ASF1A: variants seen among roughly 807,000 people sequenced by gnomAD.
ASF1A encodes the protein anti-silencing function 1A histone chaperone, also known as histone chaperone ASF1A.
ASF1A carries 5 observed loss-of-function variants against 22.0 expected under a neutral mutation model. That is an observed-to-expected ratio of 0.23 (90% confidence interval 0.12 to 0.48). ASF1A has a LOEUF of 0.48. Ranked by LOEUF, ASF1A falls within the 20% of genes least tolerant of loss-of-function variation. ASF1A has a pLI of 0.99. For synonymous variants in ASF1A, 97 were observed against 86.7 expected (o/e 1.12, Z -0.66); for missense variants, 137 against 240.6 (o/e 0.57, Z 2.85).
In ASF1A at chr6:118,907,676, AATTCCG is replaced by A. The variant is rs1780269985; in HGVS notation, c.*63_*68del. 7.5e-7 allele frequency: 1 copy of A among 1,338,792 alleles called. No individual in the cohort carries two copies. Among genetic ancestry groups the A allele is most frequent in the Non-Finnish European group, 1.1e-6 (1 of 943,370 alleles). The allele number at this position is 1,338,792 out of a possible 1,614,324, so 82.9% of individuals were successfully genotyped here. A position where few individuals can be genotyped will look rare whatever the true frequency, so the allele number is the denominator to read the frequency against. On this transcript the variant is annotated 3_prime_UTR_variant, in exon 4 of 4. Transcript: ENST00000229595. ...AAAATACACAGAACTATTTCCCTGA[AATTCCG>A]TAAGTACATAGTCAAAACACAATGT...
intron 1 of ASF1A, among the ~76,000 whole-genome samples, chr6:118,894,806 C>T (rs985587107): frequency 6.6e-6 from 1 of 152,200 alleles, no homozygotes; most frequent in Non-Finnish European, 1.5e-5. Flanking sequence ...GCTCGGAGAC[C>T]CGCACTCGCT....
intron 1 of ASF1A, among the ~76,000 whole-genome samples, chr6:118,899,939 A>G (rs1779689788): frequency 6.6e-6 from 1 of 152,232 alleles, no homozygotes; most frequent in African/African-American, 2.4e-5. Context: ...CTTCTTCCTC[A>G]GCTAAACAGG....
intron 2 of ASF1A, 76 bp from the exon 3 acceptor site, chr6:118,905,576 A>G: frequency 8.3e-7 from 1 of 1,204,906 alleles, no homozygotes; most frequent in Non-Finnish European, 1.2e-6. Context: ...GGTTCTAGGT[A>G]ACTGAAACTC....
Position 118,894,271 on chromosome 6 carries a change from AG to A in ASF1A, c.-141del. 6.8e-7 allele frequency: 1 copy of A among 1,461,488 alleles called. No homozygotes were observed. Among genetic ancestry groups the A allele is most frequent in the Non-Finnish European group, 9.0e-7 (1 of 1,113,226 alleles). 90.5% of individuals were successfully genotyped at this position (1,461,488 alleles called of 1,614,324 possible). ...GGAGTGCTCCCGTGTAAATAAAAAG[AG>A]GAAAAAAGTTTCTCAAGTCGCCGCT... On this transcript the variant is annotated 5_prime_UTR_variant, in exon 1 of 4. Coordinates refer to ENST00000229595, the MANE Select transcript of ASF1A (RefSeq NM_014034.3).
At chr6:118,897,616 T>A (rs1434784878) in intron 1 of ASF1A, among the ~76,000 whole-genome samples, 1 of 152,124 alleles carries the variant, frequency 6.6e-6, no homozygotes, top group Non-Finnish European at 1.5e-5. Context: ...AAAATTCTCT[T>A]GATGACTTCC....
chr6:118,894,874 G>C (rs1033469274), intron 1 of ASF1A, among the ~76,000 whole-genome samples: 4 of 152,248 alleles, frequency 2.6e-5, no homozygotes, highest in Non-Finnish European at 5.9e-5. Context: ...CAGCCTCCGC[G>C]ACCCTCCGGG....
intron 1 of ASF1A, among the ~76,000 whole-genome samples, chr6:118,897,691 G>T (rs1779521574): frequency 6.6e-6 from 1 of 151,946 alleles, no homozygotes; most frequent in African/African-American, 2.4e-5. Context: ...ATTTAATCAT[G>T]ATTACTGTGA....
At chr6:118,905,574 G>T in intron 2 of ASF1A, 78 bp from the exon 3 acceptor site, 1 of 1,181,886 alleles carries the variant, frequency 8.5e-7, no homozygotes, top group Non-Finnish European at 1.2e-6. Flanking sequence ...ATGGTTCTAG[G>T]TAACTGAAAC....
At position 118,894,438 on chromosome 6, in the gene ASF1A, G is replaced by A; in HGVS notation, c.25G>A (p.Val9Ile). 2.0e-6 allele frequency: 3 copies of A among 1,537,156 alleles called. No homozygotes were observed. The highest frequency in any genetic ancestry group is 2.6e-6 in the Non-Finnish European group (3 of 1,146,838). The change falls in exon 1 of 4, where the codon GTA becomes ATA. Residue 9 changes from valine to isoleucine, a missense_variant. Physicochemically the swap from Val to Ile is conservative, Grantham distance 29. Around this residue, in one of 2 missense-constraint regions of ASF1A, gnomAD observed 96 missense variants for 196.7 expected, o/e 0.49. Coordinates refer to ENST00000229595, the MANE Select transcript of ASF1A (RefSeq NM_014034.3). ...TATGGCAAAGGTTCAGGTGAACAATGTAGTGGTGCTGGATAACCCTTCTCC... is the reference window on the plus strand; with the variant it reads ...TATGGCAAAGGTTCAGGTGAACAATATAGTGGTGCTGGATAACCCTTCTCC... MAKVQVNN[V>I]VVLDNPSPFY...
chr6:118,896,154 C>T (rs1479185214), intron 1 of ASF1A, among the ~76,000 whole-genome samples: 1 of 150,894 alleles, frequency 6.6e-6, no homozygotes, highest in Non-Finnish European at 1.5e-5. Flanking sequence ...ATTGATAACA[C>T]TAAGGGGTAT....
At chr6:118,900,375 G>T (rs1779727595) in intron 1 of ASF1A, among the ~76,000 whole-genome samples, 2 of 152,144 alleles carry the variant, frequency 1.3e-5, no homozygotes, top group African/African-American at 4.8e-5. Context: ...AAAAAAGGGG[G>T]ATTCCATAGC....
Position 118,907,551 on chromosome 6 carries a change from G to A in ASF1A, c.552G>A (p.Lys184=). ...CAGATGCATTACCTTCAGCATCAAA[G>A]GGATGGTCCACATCAGAAAACTCAC... ...LSTDALPSAS[K]GWSTSENSLN... Residue 184 remains lysine, a synonymous_variant, in exon 4 of 4, where the codon AAG becomes AAA. Transcript: ENST00000229595. 6.2e-7 allele frequency: 1 copy of A among 1,613,690 alleles called. No individual in the cohort carries two copies. The highest frequency in any genetic ancestry group is 8.5e-7 in the Non-Finnish European group (1 of 1,179,714).
In ASF1A at chr6:118,907,866, T is replaced by TTCTTC. The variant is rs1301535814; in HGVS notation, c.*255_*259dup. The TTCTTC allele has an allele frequency of 3.0e-6, 1 of 337,342 alleles. No individual in the cohort carries two copies. Among genetic ancestry groups the TTCTTC allele is most frequent in the African/African-American group, 2.1e-5 (1 of 47,230 alleles). 20.9% of individuals were successfully genotyped at this position (337,342 alleles called of 1,614,324 possible). On this transcript the variant is annotated 3_prime_UTR_variant, in exon 4 of 4. Coordinates refer to ENST00000229595, the MANE Select transcript of ASF1A (RefSeq NM_014034.3). ...ATCTGATTAAAGCATATATATTATT[T>TTCTTC]TCTTCTCCTTTATATGTAATGAAAG... is the stretch of plus-strand genomic sequence containing the variant.
intron 1 of ASF1A, among the ~76,000 whole-genome samples, chr6:118,897,841 CAAAA>C (rs1003358390): frequency 9.9e-4 from 150 of 150,914 alleles, no homozygotes; most frequent in African/African-American, 3.6e-3. Context: ...AAAAAAACAA[CAAAA>C]AAACTGATGC....
In ASF1A at chr6:118,905,770, A is replaced by G; in HGVS notation, c.344A>G (p.Asn115Ser). Residue 115 changes from asparagine (N) to serine (S), a missense_variant, in exon 3 of 4, where the codon AAT (asparagine) becomes AGT (serine). By Grantham distance (46) the Asn-to-Ser change is conservative. Transcript: ENST00000229595. Reference protein sequence around the residue: ...EFIRVGYYVNNEYTETELREN... With the variant: ...EFIRVGYYVNSEYTETELREN... ...ATTAGAGTTGGCTATTATGTAAATA[A>G]TGAATATACTGAGACAGAATTAAGG... The G allele has an allele frequency of 6.2e-7, 1 of 1,613,382 alleles. No individual in the cohort carries two copies. The highest frequency in any genetic ancestry group is 8.5e-7 in the Non-Finnish European group (1 of 1,179,466).
chr6:118,894,575 A>G, intron 1 of ASF1A, 53 bp downstream of exon 1: 2 of 1,438,130 alleles, frequency 1.4e-6, no homozygotes, highest in Non-Finnish European at 9.5e-7. Flanking sequence ...GCAGACGTTG[A>G]AAGTTTCCCG....
At chr6:118,898,745 C>G (rs1436963204) in intron 1 of ASF1A, among the ~76,000 whole-genome samples, 1 of 152,186 alleles carries the variant, frequency 6.6e-6, no homozygotes, top group Non-Finnish European at 1.5e-5. Context: ...TTAGTCTTAT[C>G]CTCACTTGGC....
At chr6:118,905,197 G>T (rs1669005157) in intron 2 of ASF1A, among the ~76,000 whole-genome samples, 1 of 152,172 alleles carries the variant, frequency 6.6e-6, no homozygotes, top group Non-Finnish European at 1.5e-5. Flanking sequence ...GAGTGGGTAT[G>T]AGAATATAAG....
intron 3 of ASF1A, among the ~76,000 whole-genome samples, chr6:118,906,877 ACC>A (rs1780216877): frequency 6.6e-6 from 1 of 152,160 alleles, no homozygotes; most frequent in African/African-American, 2.4e-5. Context: ...ACTATTTTTC[ACC>A]CTTGTTGTAC....
Sources: gnomAD v4.1 joint callset for allele counts (sites outside exome capture counted in the v4.1 genomes callset) on GRCh38, gnomAD v4.1.1 for gene constraint, gnomAD v4.1.1 regional missense constraint, MANE v1.5 for transcripts, NCBI Gene and HGNC (gene_info 2026-07-23, HGNC 2026-07-21) for gene names.